CRMP1: variants seen among roughly 807,000 people sequenced by gnomAD.
The protein encoded by CRMP1 is dihydropyrimidinase-related protein 1.
CRMP1 carries 19 observed loss-of-function variants against 68.3 expected under a neutral mutation model. That is an observed-to-expected ratio of 0.28 (90% confidence interval 0.19 to 0.41). The LOEUF is 0.41. Among genes scored for constraint, CRMP1 ranks in the 10% least tolerant of loss-of-function variants. The pLI is 1.00. For missense variants in CRMP1, 791 were observed against 967.4 expected (o/e 0.82, Z 2.42); for synonymous variants, 439 against 399.6 (o/e 1.10, Z -1.18).
chr4:5,856,758 C>T (rs1380143750), intron 3 of CRMP1, among the ~76,000 whole-genome samples: 1 of 151,726 alleles, frequency 6.6e-6, no homozygotes, highest in East Asian at 1.9e-4. Context: ...ACCTCCACCA[C>T]CATCACTATC....
chr4:5,888,106 G>A lies in CRMP1; in HGVS notation c.381+4483C>T. On this transcript the variant is annotated intron_variant, in intron 1 of 13. Transcript: ENST00000324989. This position sits in a 1 kb window ranked among gnomAD's most constrained non-coding sequence, Gnocchi z 6.4. ...TCCCGAGACCGGCCCCGCCCCACCC[G>A]CGGCGACGCAGGAGGCCTCGGGGGG... 1.8e-6 allele frequency: 2 copies of A among 1,136,780 alleles called. No homozygotes were observed. The highest frequency in any genetic ancestry group is 2.2e-6 in the Non-Finnish European group (2 of 905,422). 70.4% of individuals were successfully genotyped at this position (1,136,780 alleles called of 1,614,324 possible).
Position 5,838,034 on chromosome 4 carries a change from G to A in CRMP1, c.1311-1128C>T, listed in dbSNP as rs974009526. Among the ~76,000 whole-genome samples, 6 of 152,198 alleles carry A rather than the reference G, an allele frequency of 3.9e-5. No homozygotes were observed. The highest frequency in any genetic ancestry group is 3.9e-4 in the Admixed American group (6 of 15,282). On this transcript the variant is annotated intron_variant, in intron 9 of 13. Transcript: ENST00000324989. The surrounding 1 kb of genome is among the most constrained non-coding windows in gnomAD (Gnocchi z 4.9). ...TGTCAGGGATTCAACCAAAGCAGGTGGGGATGAGGCGTGCTGGGGACAGGC... is the reference window on the plus strand; with the variant it reads ...TGTCAGGGATTCAACCAAAGCAGGTAGGGATGAGGCGTGCTGGGGACAGGC...
In CRMP1 at chr4:5,892,668, T is replaced by C; in HGVS notation, c.302A>G (p.Glu101Gly). 1 of 1,195,610 alleles carries C rather than the reference T, an allele frequency of 8.4e-7. No individual in the cohort carries two copies. Among genetic ancestry groups the C allele is most frequent in the South Asian group, 3.9e-5 (1 of 25,610 alleles). 74.1% of individuals were successfully genotyped at this position (1,195,610 alleles called of 1,614,324 possible). ...CAGCGTCGGCGGCCGCTCGTCGCGCTCTCCGGGAGAGCTGACCGCGGAGCC... is the reference window on the plus strand; with the variant it reads ...CAGCGTCGGCGGCCGCTCGTCGCGCCCTCCGGGAGAGCTGACCGCGGAGCC... ...PSGSAVSSPGERDERPPTLRI... is the reference protein window; with the variant it reads ...PSGSAVSSPGGRDERPPTLRI... The change falls in exon 1 of 14, where the codon GAG (glutamate) becomes GGG (glycine). Residue 101 changes from glutamate to glycine, a missense_variant. By Grantham distance (98) the Glu-to-Gly change is moderately conservative. This residue lies in a region of CRMP1 where 193 missense variants were observed against 186.3 expected (regional missense o/e 1.04). Transcript: ENST00000324989. The surrounding 1 kb of genome is among the most constrained non-coding windows in gnomAD (Gnocchi z 8.6).
At chr4:5,827,440 G>A (rs1719815574) in intron 12 of CRMP1, among the ~76,000 whole-genome samples, 1 of 152,168 alleles carries the variant, frequency 6.6e-6, no homozygotes, top group Admixed American at 6.5e-5. Flanking sequence ...ATGGAAGCTG[G>A]GGAGAGACCA....
At position 5,841,304 on chromosome 4, in the gene CRMP1, A is replaced by C; in HGVS notation, c.1153+4T>G. Reference sequence around the variant, plus strand: ...CCCCAGAAGGCCCAGGGCCGGCTGCATACCTTTCTTCCTGGCCAGAGCGAT... The same window carrying C: ...CCCCAGAAGGCCCAGGGCCGGCTGCCTACCTTTCTTCCTGGCCAGAGCGAT... On this transcript the variant is annotated splice_donor_region_variant and intron_variant, in intron 8 of 13. Transcript: ENST00000324989. The surrounding 1 kb of genome is among the most constrained non-coding windows in gnomAD (Gnocchi z 6.9). The C allele has an allele frequency of 1.2e-6, 2 of 1,613,672 alleles. No homozygotes were observed. The highest frequency in any genetic ancestry group is 1.7e-6 in the Non-Finnish European group (2 of 1,179,888).
At chr4:5,830,220 T>A (rs1339097011) in intron 11 of CRMP1, among the ~76,000 whole-genome samples, 2 of 152,228 alleles carry the variant, frequency 1.3e-5, no homozygotes, top group South Asian at 2.1e-4. Context: ...TTTCTAAAAG[T>A]ACACACTCAA....
chr4:5,848,930 A>C (rs931629217), intron 6 of CRMP1, among the ~76,000 whole-genome samples: 2 of 152,224 alleles, frequency 1.3e-5, no homozygotes, highest in African/African-American at 4.8e-5. Context: ...TACCATCAAC[A>C]TACTAGCTTG....
At chr4:5,857,513 C>T (rs1020356579) in intron 3 of CRMP1, among the ~76,000 whole-genome samples, 13 of 152,224 alleles carry the variant, frequency 8.5e-5, no homozygotes, top group Non-Finnish European at 1.8e-4. Context: ...TTGTCATCAT[C>T]ATCACCATCA....
chr4:5,825,094 G>A lies in CRMP1; in HGVS notation c.1969+400C>T. ...AAGTGCTTAGTACACTGCAGTGGGT[G>A]AACAGGCTAAAGACTTACACAGAGC... On this transcript the variant is annotated intron_variant, in intron 13 of 13. Transcript: ENST00000324989. This position sits in a 1 kb window ranked among gnomAD's most constrained non-coding sequence, Gnocchi z 4.4. The A allele has an allele frequency of 1.0e-6, 1 of 985,418 alleles. No homozygotes were observed. The highest frequency in any genetic ancestry group is 1.2e-6 in the Non-Finnish European group (1 of 829,926). 61.0% of individuals were successfully genotyped at this position (985,418 alleles called of 1,614,324 possible). A position where few individuals can be genotyped will look rare whatever the true frequency, so the allele number is the denominator to read the frequency against.
chr4:5,855,999 T>A lies in CRMP1; in HGVS notation c.820+144A>T. 1 of 917,854 alleles carries A rather than the reference T, an allele frequency of 1.1e-6. No homozygotes were observed. The highest frequency in any genetic ancestry group is 1.7e-5 in the African/African-American group (1 of 60,114). The allele number at this position is 917,854 out of a possible 1,614,324, so 56.9% of individuals were successfully genotyped here. Reference sequence around the variant, plus strand: ...TGGACTCTGTAAAGGGACTGGCCTGTTTCCTCACTGTCACGTGGCAGAGTG... The same window carrying A: ...TGGACTCTGTAAAGGGACTGGCCTGATTCCTCACTGTCACGTGGCAGAGTG... On this transcript the variant is annotated intron_variant, in intron 4 of 13. Transcript: ENST00000324989. The surrounding 1 kb of genome is among the most constrained non-coding windows in gnomAD (Gnocchi z 4.9).
chr4:5,838,343 C>T lies in CRMP1; in HGVS notation c.1310+1179G>A, dbSNP rs568806558. The stretch of plus-strand genomic sequence containing the variant: ...TTGAGTTCTGCCTTGTTGGATGTTG[C>T]AGGGACTTGGGTTTCACTGGCAGAG... On this transcript the variant is annotated intron_variant, in intron 9 of 13. Transcript: ENST00000324989. This position sits in a 1 kb window ranked among gnomAD's most constrained non-coding sequence, Gnocchi z 4.9. Among the ~76,000 whole-genome samples, 2 of 151,832 alleles carry T rather than the reference C, an allele frequency of 1.3e-5. No individual in the cohort carries two copies. The highest frequency in any genetic ancestry group is 4.2e-4 in the South Asian group (2 of 4,798).
intron 3 of CRMP1, among the ~76,000 whole-genome samples, chr4:5,857,269 C>CCAT (rs575505792): frequency 6.6e-6 from 1 of 151,304 alleles, no homozygotes; most frequent in Non-Finnish European, 1.5e-5. Flanking sequence ...CATTATCACC[C>CCAT]CATCATCATC....
In CRMP1 at chr4:5,841,611, G is replaced by C. The variant is rs552708585; in HGVS notation, c.1033-183C>G. On this transcript the variant is annotated intron_variant, in intron 7 of 13. Transcript: ENST00000324989. The surrounding 1 kb of genome is among the most constrained non-coding windows in gnomAD (Gnocchi z 6.9). ...CTCCGGGGTGGAGCATTGGTCTCACGCTGGGATACGGCAGCAACATCCAAG... is the reference window on the plus strand; with the variant it reads ...CTCCGGGGTGGAGCATTGGTCTCACCCTGGGATACGGCAGCAACATCCAAG... Among the ~76,000 whole-genome samples, 1 of 152,200 alleles carries C rather than the reference G, an allele frequency of 6.6e-6. No individual in the cohort carries two copies. The highest frequency in any genetic ancestry group is 1.5e-5 in the Non-Finnish European group (1 of 68,042).
chr4:5,838,666 T>C lies in CRMP1; in HGVS notation c.1310+856A>G, dbSNP rs187906072. ...GTAAACGTGAGCTGCCCACCAGACA[T>C]TGGACTGCAGATGTTGAGTAAGCCC... On this transcript the variant is annotated intron_variant, in intron 9 of 13. Coordinates refer to ENST00000324989, the MANE Select transcript of CRMP1 (RefSeq NM_001014809.3). The surrounding 1 kb of genome is among the most constrained non-coding windows in gnomAD (Gnocchi z 4.9). Among the ~76,000 whole-genome samples the C allele has an allele frequency of 3.4e-3, 512 of 152,284 alleles. 3 individuals carry two copies. The highest frequency in any genetic ancestry group is 7.8e-3 in the African/African-American group (323 of 41,556).
intron 11 of CRMP1, among the ~76,000 whole-genome samples, chr4:5,833,030 C>T (rs982915237): frequency 2.0e-5 from 3 of 152,258 alleles, no homozygotes; most frequent in Middle Eastern, 3.4e-3. Flanking sequence ...ATGCCTTACC[C>T]GCCATGGAAG....
chr4:5,849,527 A>G, intron 5 of CRMP1, 55 bp from the exon 6 acceptor site: 1 of 1,244,782 alleles, frequency 8.0e-7, no homozygotes, highest in Non-Finnish European at 1.2e-6. Context: ...AAAAAATCAC[A>G]GCGTGTGCAT....
chr4:5,826,176 C>T (rs555082446), intron 12 of CRMP1: 1 of 155,964 alleles, frequency 6.4e-6, no homozygotes, highest in Admixed American at 6.5e-5. Context: ...ACCCCAAATC[C>T]CTTCCAAAGA....
intron 11 of CRMP1, 45 bp from the exon 12 acceptor site, chr4:5,828,713 C>A (rs747202880): frequency 6.3e-7 from 1 of 1,599,014 alleles, no homozygotes; most frequent in Non-Finnish European, 8.6e-7. Context: ...TTGCTCTGCC[C>A]CAAACGAGCT....
At chr4:5,886,413 C>T (rs985686366) in intron 1 of CRMP1, among the ~76,000 whole-genome samples, 1 of 152,224 alleles carries the variant, frequency 6.6e-6, no homozygotes, top group African/African-American at 2.4e-5. Flanking sequence ...AAGGGGCCTA[C>T]ATCGTACAGC....
Sources: allele counts gnomAD v4.1 joint callset (sites outside exome capture counted in the v4.1 genomes callset), GRCh38; gene constraint gnomAD v4.1.1; regional missense constraint gnomAD v4.1.1; non-coding constraint Gnocchi (gnomAD v3.1); transcripts MANE v1.5; gene names NCBI Gene and HGNC (gene_info 2026-07-23, HGNC 2026-07-21).